CD207: variants seen among roughly 807,000 people sequenced by gnomAD.
The protein encoded by CD207 is C-type lectin domain family 4 member K.
In CD207, 28 loss-of-function variants were observed where a neutral mutation model predicts 31.6. The observed-to-expected ratio is 0.89, with a 90% confidence interval of 0.66 to 1.21. The LOEUF (loss-of-function observed/expected upper bound fraction) is 1.21, where lower values mean the gene tolerates loss of function less well. Among genes scored for constraint, CD207 ranks in the 50% most tolerant of loss-of-function variants. The pLI, the probability that CD207 is intolerant of heterozygous loss-of-function variation, is 0.00. For missense variants in CD207, 388 were observed against 397.8 expected, an observed-to-expected ratio of 0.98 and a Z score of 0.21; for synonymous variants, 168 against 153.9, an observed-to-expected ratio of 1.09 and a Z score of -0.68.
At chr2:70,833,607 C>T in intron 3 of CD207, 39 bp downstream of exon 3, 1 of 1,545,698 alleles carries the variant, frequency 6.5e-7, no homozygotes, top group South Asian at 1.3e-5. Context: ...ATCCCATGGG[C>T]CACTGGTCAG....
chr2:70,833,211 T>A (rs1408920686), intron 3 of CD207, among the ~76,000 whole-genome samples, 160 bp from the exon 4 acceptor site: 1 of 152,088 alleles, frequency 6.6e-6, no homozygotes, highest in Non-Finnish European at 1.5e-5. Flanking sequence ...CTCTTTCAAA[T>A]CCTGAAAGTC....
At chr2:70,831,865 T>G in intron 4 of CD207, 46 bp from the exon 5 acceptor site, 4 of 1,236,274 alleles carry the variant, frequency 3.2e-6, no homozygotes, top group Non-Finnish European at 4.8e-6. Flanking sequence ...CACTTGGAGC[T>G]TGATCATCTG....
chr2:70,827,378 G>A (rs965996348), downstream of CD207, among the ~76,000 whole-genome samples: 1 of 152,156 alleles, frequency 6.6e-6, no homozygotes, highest in Non-Finnish European at 1.5e-5. Context: ...TAGGAGGGGA[G>A]GTTCTTGGAG....
At chr2:70,834,144 C>A in intron 2 of CD207, 124 bp from the exon 3 acceptor site, 1 of 785,228 alleles carries the variant, frequency 1.3e-6, no homozygotes, top group Non-Finnish European at 1.8e-6. Flanking sequence ...CAAGACAGTC[C>A]AATGGGCCAC....
At position 70,832,976 on chromosome 2, in the gene CD207, T is replaced by C. The variant is rs782225816; in HGVS notation, c.641A>G (p.Lys214Arg). ...GNFYYFSLIP[K>R]TWYSAEQFCV... ...GAACTGCTCGGCACTATACCAGGTC[T>C]TTGGAATGAGAGAAAAGTAATAGAA... The change falls in exon 4 of 6, where the codon AAG becomes AGG. Residue 214 changes from lysine to arginine, a missense_variant. Transcript: ENST00000410009. The C allele has an allele frequency of 1.2e-6, 2 of 1,613,984 alleles. No homozygotes were observed. Among genetic ancestry groups the C allele is most frequent in the Non-Finnish European group, 1.7e-6 (2 of 1,179,870 alleles).
At chr2:70,826,316 T>A (rs7601383), downstream of CD207, among the ~76,000 whole-genome samples, 91,605 of 151,666 alleles carry the variant, frequency 0.6, 28,155 homozygotes, top group Middle Eastern at 0.7. Context: ...CTCACATGGT[T>A]GAATCTGACC....
chr2:70,825,713 AT>A (rs1354702937), downstream of CD207, among the ~76,000 whole-genome samples: 30 of 148,112 alleles, frequency 2.0e-4, no homozygotes, highest in African/African-American at 2.0e-4. Flanking sequence ...TAAGTTTTGT[AT>A]TTTTTTTTTA....
the CD207 span, among the ~76,000 whole-genome samples, chr2:70,824,386 C>T: frequency 2.0e-5 from 3 of 151,154 alleles, no homozygotes; most frequent in Non-Finnish European, 4.4e-5. Flanking sequence ...ATGATCTTTT[C>T]AAAAAAAATT....
At chr2:70,835,090 C>T (rs1222258179) in intron 2 of CD207, among the ~76,000 whole-genome samples, 8 of 152,112 alleles carry the variant, frequency 5.3e-5, no homozygotes, top group Non-Finnish European at 8.8e-5. Context: ...ACATGAGGCT[C>T]GGTCCTTCAC....
At chr2:70,832,380 A>T (rs781963322) in intron 4 of CD207, among the ~76,000 whole-genome samples, 5 of 152,190 alleles carry the variant, frequency 3.3e-5, no homozygotes, top group Non-Finnish European at 4.4e-5. Flanking sequence ...CTCCCAGATG[A>T]AAAGGGCCTG....
the CD207 span, among the ~76,000 whole-genome samples, chr2:70,824,485 A>G: frequency 0.6 from 91,255 of 151,190 alleles, 28,027 homozygotes; most frequent in Middle Eastern, 0.7. Context: ...CCAGGTTTTG[A>G]TTTCTAACAC....
In CD207 at chr2:70,831,164, G is replaced by T; in HGVS notation, c.873C>A (p.Asn291Lys). 1 of 1,613,898 alleles carries T rather than the reference G, an allele frequency of 6.2e-7. No homozygotes were observed. Among genetic ancestry groups the T allele is most frequent in the Non-Finnish European group, 8.5e-7 (1 of 1,179,808 alleles). ...CCTTTATATTGCCACAGTGTTCATT[G>T]TTCCCAGCATTGTTGGGCTCACCTG... ...WIPGEPNNAG[N>K]NEHCGNIKAP... The change falls in exon 6 of 6, where the codon AAC becomes AAA. Residue 291 changes from asparagine to lysine, a missense_variant. By Grantham distance (94) the Asn-to-Lys change is moderately conservative. Transcript: ENST00000410009.
downstream of CD207, among the ~76,000 whole-genome samples, chr2:70,825,599 C>T (rs201401480): frequency 8.5e-5 from 13 of 152,182 alleles, no homozygotes; most frequent in East Asian, 2.1e-3. Flanking sequence ...AGTACAGTGG[C>T]GTGATTACAG....
downstream of CD207, among the ~76,000 whole-genome samples, chr2:70,827,223 G>T (rs556806119): frequency 2.0e-4 from 31 of 152,080 alleles, no homozygotes; most frequent in Admixed American, 1.7e-3. Flanking sequence ...AAATCCTTTC[G>T]CTTTAGGCTC....
downstream of CD207, among the ~76,000 whole-genome samples, chr2:70,826,101 T>C (rs1677337734): frequency 6.6e-6 from 1 of 152,084 alleles, no homozygotes; most frequent in Non-Finnish European, 1.5e-5. Context: ...TGAGCTGTGA[T>C]TGTGCCACTG....
chr2:70,833,853 G>T lies in CD207; in HGVS notation c.358C>A (p.Arg120Ser), dbSNP rs782559266. ...GTTTTTAACTTCAGGAACTGAGAACGCACATAACCCAGGCTCTCATTCACC... is the reference window on the plus strand; with the variant it reads ...GTTTTTAACTTCAGGAACTGAGAACTCACATAACCCAGGCTCTCATTCACC... ...QMVNESLGYV[R>S]SQFLKLKTSV... is the part of the protein sequence containing the mutation. Residue 120 changes from arginine to serine, a missense_variant, in exon 3 of 6, where the codon CGT becomes AGT. Physicochemically the swap from Arg to Ser is moderately radical, Grantham distance 110. Transcript: ENST00000410009. 1.2e-6 allele frequency: 2 copies of T among 1,613,782 alleles called. No individual in the cohort carries two copies. The highest frequency in any genetic ancestry group is 3.3e-5 in the Admixed American group (2 of 59,988).
chr2:70,832,167 A>C (rs1394968783), intron 4 of CD207, among the ~76,000 whole-genome samples: 2 of 152,230 alleles, frequency 1.3e-5, no homozygotes, highest in East Asian at 3.8e-4. Flanking sequence ...CACATACGGC[A>C]CTGTGCTGAG....
chr2:70,831,696 C>T lies in CD207; in HGVS notation c.836+5G>A. On this transcript the variant is annotated splice_donor_5th_base_variant and intron_variant, in intron 5 of 5. Coordinates refer to ENST00000410009, the MANE Select transcript of CD207 (RefSeq NM_015717.5). ...AGGCTGGCACGGAGGGCTCCAGGGGCTTACCTCACACTTTGGACCTTGTTG... is the reference window on the plus strand; with the variant it reads ...AGGCTGGCACGGAGGGCTCCAGGGGTTTACCTCACACTTTGGACCTTGTTG... 1.3e-6 allele frequency: 2 copies of T among 1,581,686 alleles called. No individual in the cohort carries two copies. The highest frequency in any genetic ancestry group is 1.7e-6 in the Non-Finnish European group (2 of 1,150,736).
At chr2:70,833,610 C>T (rs782310540) in intron 3 of CD207, 36 bp downstream of exon 3, 1 of 1,552,322 alleles carries the variant, frequency 6.4e-7, no homozygotes, top group Non-Finnish European at 8.7e-7. Flanking sequence ...CCATGGGCCA[C>T]TGGTCAGCTT....
Sources: gnomAD v4.1 joint callset for allele counts (sites outside exome capture counted in the v4.1 genomes callset) on GRCh38, gnomAD v4.1.1 for gene constraint, MANE v1.5 for transcripts, NCBI Gene and HGNC (gene_info 2026-07-23, HGNC 2026-07-21) for gene names.